The following JADE2 variants were observed in gnomAD, a reference collection of about 807,000 sequenced individuals.
JADE2 encodes jade family PHD finger 2.
Under a neutral mutation model 85.7 loss-of-function variants are expected in JADE2, and 13 were observed. The ratio of observed to expected loss-of-function variants is 0.15; its 90% confidence interval spans 0.10 to 0.24. JADE2 has a LOEUF of 0.24. Ranked by LOEUF, JADE2 falls within the 10% of genes least tolerant of loss-of-function variation. The pLI is 1.00. For synonymous variants in JADE2, 440 were observed against 456.1 expected, an observed-to-expected ratio of 0.96 and a Z score of 0.45; for missense variants, 846 against 1,115.9, an observed-to-expected ratio of 0.76 and a Z score of 3.45.
chr5:134,563,080 G>A (rs1374047580), intron 7 of JADE2, among the ~76,000 whole-genome samples: 1 of 152,052 alleles, frequency 6.6e-6, no homozygotes, highest in African/African-American at 2.4e-5. Flanking sequence ...TCGGGTGGGA[G>A]GCCGAGGTGG....
At chr5:134,544,912 CAG>C (rs1417672285) in intron 3 of JADE2, among the ~76,000 whole-genome samples, 1 of 152,168 alleles carries the variant, frequency 6.6e-6, no homozygotes, top group Non-Finnish European at 1.5e-5. Flanking sequence ...AGGGTAAAGA[CAG>C]GGGTGGCCAG....
chr5:134,545,690 C>G (rs1013108232), intron 3 of JADE2, among the ~76,000 whole-genome samples: 27 of 152,154 alleles, frequency 1.8e-4, no homozygotes, highest in African/African-American at 6.0e-4. Context: ...GTCTCCACAT[C>G]TGTAAAATGG....
chr5:134,552,576 G>A lies in JADE2; in HGVS notation c.311+367G>A, dbSNP rs560666827. The stretch of plus-strand genomic sequence containing the variant: ...AGTTGTAATGTTGAGATAATGGAAT[G>A]AAATGACGCATGGAAGGCACTTGGC... On this transcript the variant is annotated intron_variant, in intron 4 of 11. Coordinates refer to ENST00000681547, the MANE Select transcript of JADE2 (RefSeq NM_001388185.1). Among the ~76,000 whole-genome samples, 352 of 152,336 alleles carry A rather than the reference G, an allele frequency of 2.3e-3. 2 individuals carry two copies. Among genetic ancestry groups the A allele is most frequent in the Non-Finnish European group, 3.5e-3 (235 of 68,020 alleles).
chr5:134,545,406 TG>T (rs974007786), intron 3 of JADE2, among the ~76,000 whole-genome samples: 10 of 142,958 alleles, frequency 7.0e-5, no homozygotes, highest in African/African-American at 2.5e-4. Flanking sequence ...AGACGTTGAG[TG>T]GGGTTTTTTT....
chr5:134,573,742 T>G lies in JADE2; in HGVS notation c.1532T>G (p.Ile511Ser). The G allele has an allele frequency of 6.2e-7, 1 of 1,611,372 alleles. No homozygotes were observed. The highest frequency in any genetic ancestry group is 8.5e-7 in the Non-Finnish European group (1 of 1,177,438). ...EQIFHLQMKL[I>S]EQDLCRERSG... ...ATATTCCACCTGCAGATGAAACTTA[T>G]TGAACAGGATCTGTGTCGAGGTAGG... Residue 511 changes from isoleucine (I) to serine (S), a missense_variant, in exon 10 of 12, where the codon ATT becomes AGT. Physicochemically the swap from Ile to Ser is moderately radical, Grantham distance 142 (BLOSUM62 -2). Transcript: ENST00000681547.
intron 6 of JADE2, among the ~76,000 whole-genome samples, chr5:134,561,311 G>A (rs532748508): frequency 3.9e-5 from 6 of 152,340 alleles, no homozygotes; most frequent in East Asian, 1.9e-4. Context: ...ATTTCAAATC[G>A]TGGCTCTGCC....
chr5:134,579,407 G>A lies in JADE2; in HGVS notation c.*90G>A. 3 of 1,046,664 alleles carry A rather than the reference G, an allele frequency of 2.9e-6. No individual in the cohort carries two copies. Among genetic ancestry groups the A allele is most frequent in the Non-Finnish European group, 4.0e-6 (3 of 742,194 alleles). The allele number at this position is 1,046,664 out of a possible 1,614,324, so 64.8% of individuals were successfully genotyped here. A position where few individuals can be genotyped will look rare whatever the true frequency, so the allele number is the denominator to read the frequency against. On this transcript the variant is annotated 3_prime_UTR_variant, in exon 12 of 12. Coordinates refer to ENST00000681547, the MANE Select transcript of JADE2 (RefSeq NM_001388185.1). The surrounding 1 kb of genome is among the most constrained non-coding windows in gnomAD (Gnocchi z 4.6). ...CTGCCATTTCCAGTCTCTGCTGAGT[G>A]TCCCAGACCCTCGAGGCTGCCACTC...
In JADE2 at chr5:134,564,487, T is replaced by C. The variant is rs747481560; in HGVS notation, c.853-7T>C. Reference sequence around the variant, plus strand: ...AGGAATGATGCAGCCCCCTGTGTCCTGCCCAGGTCAGCATCGGCTGCCCAG... The same window carrying C: ...AGGAATGATGCAGCCCCCTGTGTCCCGCCCAGGTCAGCATCGGCTGCCCAG... On this transcript the variant is annotated splice_polypyrimidine_tract_variant and splice_region_variant and intron_variant, in intron 7 of 11. Transcript: ENST00000681547. 3 of 1,579,510 alleles carry C rather than the reference T, an allele frequency of 1.9e-6. No individual in the cohort carries two copies. Among genetic ancestry groups the C allele is most frequent in the Middle Eastern group, 3.3e-4 (2 of 5,984 alleles).
At position 134,578,894 on chromosome 5, in the gene JADE2, G is replaced by A. The variant is rs1271202117; in HGVS notation, c.2082G>A (p.Arg694=). The change falls in exon 12 of 12, where the codon CGG becomes CGA. Residue 694 remains arginine (R), a synonymous_variant. Transcript: ENST00000681547. The surrounding 1 kb of genome is among the most constrained non-coding windows in gnomAD (Gnocchi z 4.4). Reference sequence around the variant, plus strand: ...CACCTACCAGGAAGCCACCACGTCGGACATCTTCTCACTTGCCGTCCAGCC... The same window carrying A: ...CACCTACCAGGAAGCCACCACGTCGAACATCTTCTCACTTGCCGTCCAGCC... ...QGPPTRKPPR[R]TSSHLPSSPA... 6.2e-7 allele frequency: 1 copy of A among 1,613,842 alleles called. No individual in the cohort carries two copies. The highest frequency in any genetic ancestry group is 8.5e-7 in the Non-Finnish European group (1 of 1,180,020).
chr5:134,573,165 G>A (rs914675020), intron 9 of JADE2, among the ~76,000 whole-genome samples: 18 of 152,252 alleles, frequency 1.2e-4, no homozygotes, highest in African/African-American at 3.9e-4. Context: ...TGCCATTTAT[G>A]TCTGAAGAAT....
chr5:134,525,888 G>T lies in JADE2; in HGVS notation c.-124G>T, dbSNP rs1375056612. 2.0e-6 allele frequency: 2 copies of T among 986,166 alleles called. No individual in the cohort carries two copies. The highest frequency in any genetic ancestry group is 3.5e-5 in the African/African-American group (2 of 57,064). 61.1% of individuals were successfully genotyped at this position (986,166 alleles called of 1,614,324 possible). The stretch of plus-strand genomic sequence containing the variant: ...CCTCGCCGCGACCCCGGATGGATGC[G>T]CGCCCCCCGCCCTCCCGCGCCGGCC... On this transcript the variant is annotated 5_prime_UTR_variant, in exon 1 of 12. Coordinates refer to ENST00000681547, the MANE Select transcript of JADE2 (RefSeq NM_001388185.1).
rs750412652 is a variant in JADE2 at position 134,578,994 on chromosome 5, G to A, written c.2182G>A (p.Ala728Thr). ...PPLAPETPDE[A>T]ASVAADSDVQ... ...ACTGGCCCCTGAGACCCCGGACGAG[G>A]CAGCCTCAGTAGCTGCTGACTCAGA... is the stretch of plus-strand genomic sequence containing the variant. Residue 728 changes from alanine (A) to threonine (T), a missense_variant, in exon 12 of 12, where the codon GCA becomes ACA. Ala to Thr is a moderately conservative substitution (Grantham distance 58, BLOSUM62 0). This residue lies in a region of JADE2 where 300 missense variants were observed against 300.7 expected (regional missense o/e 1.00). Transcript: ENST00000681547. This position sits in a 1 kb window ranked among gnomAD's most constrained non-coding sequence, Gnocchi z 4.4. The A allele has an allele frequency of 6.2e-6, 10 of 1,613,828 alleles. No individual in the cohort carries two copies. In the South Asian group the frequency reaches 7.7e-5, roughly 12 times the overall value.
Position 134,579,202 on chromosome 5 carries a change from T to C in JADE2, c.2390T>C (p.Phe797Ser). 1 of 1,614,170 alleles carries C rather than the reference T, an allele frequency of 6.2e-7. No homozygotes were observed. The highest frequency in any genetic ancestry group is 1.6e-4 in the Middle Eastern group (1 of 6,062). Reference sequence around the variant, plus strand: ...TTTGACACTGAGACTGATGGCTACTTCTCTGATGGGGAGATGAGCGACTCA... The same window carrying C: ...TTTGACACTGAGACTGATGGCTACTCCTCTGATGGGGAGATGAGCGACTCA... ...LHFDTETDGY[F>S]SDGEMSDSDV... The change falls in exon 12 of 12, where the codon TTC becomes TCC. Residue 797 changes from phenylalanine to serine, a missense_variant. Phe to Ser is a radical substitution (Grantham distance 155). Coordinates refer to ENST00000681547, the MANE Select transcript of JADE2 (RefSeq NM_001388185.1). This position sits in a 1 kb window ranked among gnomAD's most constrained non-coding sequence, Gnocchi z 4.6.
rs75015104 is a variant in JADE2, at chr5:134,537,299, A to T, written c.59-690A>T. 3.5e-3 allele frequency among the ~76,000 whole-genome samples: 534 copies of T among 152,342 alleles called. 4 individuals are homozygous for T. The highest frequency in any genetic ancestry group is 0.012 in the African/African-American group (510 of 41,568). On this transcript the variant is annotated intron_variant, in intron 2 of 11. Transcript: ENST00000681547. ...TTTGATTCATAAGGGCGGAGGCCAC[A>T]GCACTGTCATCCAGCAAGGGCCTTA... is the stretch of plus-strand genomic sequence containing the variant.
rs903246154 is a variant in JADE2 at position 134,526,346 on chromosome 5, G to T, written c.-1+335G>T. 4.1e-6 allele frequency: 4 copies of T among 985,100 alleles called. No homozygotes were observed. In the African/African-American group the frequency reaches 7.0e-5, roughly 17 times the overall value. 61.0% of individuals were successfully genotyped at this position (985,100 alleles called of 1,614,324 possible). ...GCAAAGCGCCCCCGGGCCGGCGAGGGGGCGCGGGCGGGCGGGGGCGCGCCA... is the reference window on the plus strand; with the variant it reads ...GCAAAGCGCCCCCGGGCCGGCGAGGTGGCGCGGGCGGGCGGGGGCGCGCCA... On this transcript the variant is annotated intron_variant, in intron 1 of 11. Transcript: ENST00000681547.
intron 10 of JADE2, chr5:134,575,467 CTCCTAAAGT>C (rs1315621547): frequency 6.6e-6 from 1 of 152,284 alleles, no homozygotes; most frequent in East Asian, 1.9e-4. Context: ...AGAAGGAAGA[CTCCTAAAGT>C]GGGGATGACG....
At chr5:134,525,388 C>G (rs889592419), upstream of JADE2, among the ~76,000 whole-genome samples, 4 of 151,612 alleles carry the variant, frequency 2.6e-5, no homozygotes, top group Admixed American at 2.6e-4. Context: ...ATGGGGAGTC[C>G]GGGCCCAGGG....
chr5:134,534,684 T>C (rs1278283951), intron 1 of JADE2, among the ~76,000 whole-genome samples: 2 of 152,136 alleles, frequency 1.3e-5, no homozygotes, highest in Non-Finnish European at 2.9e-5. Flanking sequence ...GCAGATGGGC[T>C]GGGCAGTGGG....
chr5:134,530,490 A>G (rs1761163292), intron 1 of JADE2, among the ~76,000 whole-genome samples: 1 of 152,044 alleles, frequency 6.6e-6, no homozygotes, highest in Non-Finnish European at 1.5e-5. Flanking sequence ...GGGGTGTTTT[A>G]ACTGCCCAGG....
Sources: gnomAD v4.1 joint callset for allele counts (sites outside exome capture counted in the v4.1 genomes callset) on GRCh38, gnomAD v4.1.1 for gene constraint, gnomAD v4.1.1 regional missense constraint, Gnocchi (gnomAD v3.1) non-coding constraint, MANE v1.5 for transcripts, NCBI Gene and HGNC (gene_info 2026-07-23, HGNC 2026-07-21) for gene names.